The following NRDE2 variants were observed in gnomAD, a reference collection of about 807,000 sequenced individuals.
NRDE2 encodes the protein nuclear exosome regulator NRDE2.
A neutral mutation model predicts 124.2 loss-of-function variants in NRDE2; 76 were observed. The observed-to-expected ratio is 0.61, with a 90% confidence interval of 0.51 to 0.74. The LOEUF (loss-of-function observed/expected upper bound fraction) is 0.74. Ranked by LOEUF, NRDE2 falls within the 30% of genes least tolerant of loss-of-function variation. The pLI, the probability that NRDE2 is intolerant of heterozygous loss-of-function variation, is 0.00. For missense variants in NRDE2, 1,314 were observed against 1,417.3 expected (o/e 0.93, Z 1.17); for synonymous variants, 489 against 528.1 (o/e 0.93, Z 1.01).
At chr14:90,316,216 G>A in intron 3 of NRDE2, among the ~76,000 whole-genome samples, 1 of 152,184 alleles carries the variant, frequency 6.6e-6, no homozygotes, top group East Asian at 1.9e-4. Context: ...TCAAGGCAGA[G>A]AAAGAAGATG....
At chr14:90,313,118 C>CTT (rs1884906927) in intron 3 of NRDE2, among the ~76,000 whole-genome samples, 1 of 140,956 alleles carries the variant, frequency 7.1e-6, no homozygotes, top group African/African-American at 2.6e-5. Context: ...GTCTCAGCCT[C>CTT]ATTTTTTTTT....
intron 12 of NRDE2, 136 bp from the exon 13 acceptor site, chr14:90,279,269 G>A (rs781428941): frequency 1.5e-5 from 10 of 678,706 alleles, no homozygotes; most frequent in East Asian, 2.6e-5. Flanking sequence ...GCACCGTCAC[G>A]GTGGCTGTGG....
intron 1 of NRDE2, among the ~76,000 whole-genome samples, chr14:90,331,280 T>C (rs1376095617): frequency 6.6e-6 from 1 of 152,172 alleles, no homozygotes; most frequent in East Asian, 1.9e-4. Flanking sequence ...TTAAGTAAAA[T>C]GTGTAAAGCC....
chr14:90,283,995 G>A (rs1441620147), intron 12 of NRDE2, among the ~76,000 whole-genome samples: 1 of 152,154 alleles, frequency 6.6e-6, no homozygotes, highest in Non-Finnish European at 1.5e-5. Context: ...ACAGGCATGA[G>A]CCACCACACT....
At chr14:90,325,611 C>T (rs1476923893) in intron 1 of NRDE2, among the ~76,000 whole-genome samples, 1 of 152,140 alleles carries the variant, frequency 6.6e-6, no homozygotes, top group Admixed American at 6.5e-5. Context: ...CTGCAACCTC[C>T]ACCTCCCAGG....
rs1891702393 is a variant in NRDE2 at position 90,272,734 on chromosome 14, A to AGTGTG, written c.*5597_*5601dup. The AGTGTG allele has an allele frequency of 5.0e-6, 1 of 201,510 alleles. No homozygotes were observed. The highest frequency in any genetic ancestry group is 2.3e-5 in the African/African-American group (1 of 42,764). The allele number at this position is 201,510 out of a possible 1,614,324, so 12.5% of individuals were successfully genotyped here. ...AGGAACTCAGGCTGCGGTCCCAAGG[A>AGTGTG]GTGTGGACCTCACTATGCGTTCGCC... On this transcript the variant is annotated 3_prime_UTR_variant, in exon 14 of 14. Coordinates refer to ENST00000354366, the MANE Select transcript of NRDE2 (RefSeq NM_017970.4). This position sits in a 1 kb window ranked among gnomAD's most constrained non-coding sequence, Gnocchi z 4.5.
intron 4 of NRDE2, among the ~76,000 whole-genome samples, chr14:90,309,345 C>T (rs947783389): frequency 2.0e-5 from 3 of 151,440 alleles, no homozygotes; most frequent in Non-Finnish European, 2.9e-5. Context: ...TGGTAGCACT[C>T]GCCTGTAGTC....
In NRDE2 at chr14:90,288,751, C is replaced by T. The variant is rs142600051; in HGVS notation, c.2624G>A (p.Arg875Gln). 1.1e-5 allele frequency: 18 copies of T among 1,613,974 alleles called. 1 individual carries two copies. Among genetic ancestry groups the T allele is most frequent in the Admixed American group, 6.7e-5 (4 of 60,002 alleles). Reference sequence around the variant, plus strand: ...CTGCAGTGCGTGCTCATAAGCCTTTCGCGCTTTCAAAATGTGAACAGCCAA... The same window carrying T: ...CTGCAGTGCGTGCTCATAAGCCTTTTGCGCTTTCAAAATGTGAACAGCCAA... ...QVLAVHILKARKAYEHALQDC... is the reference protein window; with the variant it reads ...QVLAVHILKAQKAYEHALQDC... Residue 875 changes from arginine to glutamine, a missense_variant, in exon 11 of 14, where the codon CGA becomes CAA. Arg to Gln is a conservative substitution (Grantham distance 43, BLOSUM62 1). Coordinates refer to ENST00000354366, the MANE Select transcript of NRDE2 (RefSeq NM_017970.4).
chr14:90,297,042 G>A (rs1884193394), intron 8 of NRDE2, among the ~76,000 whole-genome samples: 1 of 151,726 alleles, frequency 6.6e-6, no homozygotes, highest in Non-Finnish European at 1.5e-5. Flanking sequence ...GGGAGGCTGA[G>A]GCACAAGAAT....
At chr14:90,308,413 C>T (rs546567761) in intron 4 of NRDE2, among the ~76,000 whole-genome samples, 11 of 152,242 alleles carry the variant, frequency 7.2e-5, no homozygotes, top group South Asian at 2.1e-4. Context: ...TCTGACTTCC[C>T]GGAACTTCCA....
intron 3 of NRDE2, among the ~76,000 whole-genome samples, chr14:90,314,869 T>A (rs546683144): frequency 1.3e-5 from 2 of 152,072 alleles, no homozygotes; most frequent in East Asian, 3.9e-4. Flanking sequence ...TATTTTTTCC[T>A]CTAAAGAGCA....
In NRDE2 at chr14:90,274,336, C is replaced by CCGTGTGGGGTGTA. The variant is rs1891744711; in HGVS notation, c.*3999_*4000insTACACCCCACACG. 6.4e-6 allele frequency: 1 copy of CCGTGTGGGGTGTA among 155,728 alleles called. No individual in the cohort carries two copies. Among genetic ancestry groups the CCGTGTGGGGTGTA allele is most frequent in the African/African-American group, 2.4e-5 (1 of 41,418 alleles). The allele number at this position is 155,728 out of a possible 1,614,324, so 9.6% of individuals were successfully genotyped here. A position where few individuals can be genotyped will look rare whatever the true frequency, so the allele number is the denominator to read the frequency against. On this transcript the variant is annotated 3_prime_UTR_variant, in exon 14 of 14. Coordinates refer to ENST00000354366, the MANE Select transcript of NRDE2 (RefSeq NM_017970.4). ...GAGCCCAAGTGGGTGAGGAAGGCAT[C>CCGTGTGGGGTGTA]TGCAGGGACGGGGTGGTGGCAGGGG...
At chr14:90,323,252 A>G (rs7149944) in intron 1 of NRDE2, among the ~76,000 whole-genome samples, 44,004 of 152,154 alleles carry the variant, frequency 0.29, 6,425 homozygotes, top group South Asian at 0.34. Flanking sequence ...AATACTTTTT[A>G]TGAACATTTA....
chr14:90,313,984 A>G (rs1375412944), intron 3 of NRDE2, among the ~76,000 whole-genome samples: 2 of 152,230 alleles, frequency 1.3e-5, no homozygotes, highest in African/African-American at 4.8e-5. Flanking sequence ...TGATTGATGC[A>G]TTTGAGAAAT....
chr14:90,286,237 A>AT lies in NRDE2; in HGVS notation c.3297+116dup, dbSNP rs1446673502. 3.4e-6 allele frequency: 4 copies of AT among 1,165,486 alleles called. No individual in the cohort carries two copies. In the African/African-American group the frequency reaches 6.2e-5, roughly 18 times the overall value. The allele number at this position is 1,165,486 out of a possible 1,614,324, so 72.2% of individuals were successfully genotyped here. Reference sequence around the variant, plus strand: ...CCAATGCCAAGAAGATGAGAGTGAAATATGGCCTCCCAGCTCTCCTGGGCA... The same window carrying AT: ...CCAATGCCAAGAAGATGAGAGTGAAATTATGGCCTCCCAGCTCTCCTGGGCA... On this transcript the variant is annotated intron_variant, in intron 12 of 13. Transcript: ENST00000354366.
At chr14:90,298,659 T>C (rs1003556284) in intron 7 of NRDE2, among the ~76,000 whole-genome samples, 3 of 152,092 alleles carry the variant, frequency 2.0e-5, no homozygotes, top group African/African-American at 7.2e-5. Flanking sequence ...ACACAAAATA[T>C]GGCAAAAGTG....
In NRDE2 at chr14:90,309,380, G is replaced by A. The variant is rs1884739939; in HGVS notation, c.557+3014C>T. On this transcript the variant is annotated intron_variant, in intron 4 of 13. Transcript: ENST00000354366. ...CCCAGCTATTTAGGAGACTGAGGCA[G>A]CAGAATTGTTTGAACCTGGCAGGCG... Among the ~76,000 whole-genome samples the A allele has an allele frequency of 2.0e-5, 3 of 149,846 alleles. No homozygotes were observed. In the Admixed American group the frequency reaches 2.0e-4, roughly 10 times the overall value.
rs567023218 is a variant in NRDE2, at chr14:90,330,224, A to C, written c.64+1617T>G. 1.2e-3 allele frequency among the ~76,000 whole-genome samples: 176 copies of C among 151,588 alleles called. 3 individuals carry two copies. The highest frequency in any genetic ancestry group is 3.5e-4 in the Non-Finnish European group (24 of 67,900). ...TTGGTCTCAAAAAAAAAAATAAATA[A>C]ATAAATAAATAAAAAGAAGTAATTA... On this transcript the variant is annotated intron_variant, in intron 1 of 13. Transcript: ENST00000354366.
Position 90,274,521 on chromosome 14 carries a change from T to C in NRDE2, c.*3815A>G, listed in dbSNP as rs1891750760. 6.6e-6 allele frequency: 1 copy of C among 150,930 alleles called. No homozygotes were observed. Among genetic ancestry groups the C allele is most frequent in the Non-Finnish European group, 1.5e-5 (1 of 67,700 alleles). The allele number at this position is 150,930 out of a possible 1,614,324, so 9.3% of individuals were successfully genotyped here. On this transcript the variant is annotated 3_prime_UTR_variant, in exon 14 of 14. Coordinates refer to ENST00000354366, the MANE Select transcript of NRDE2 (RefSeq NM_017970.4). ...ACACCCCAACTGCAGTGAGCACCCC[T>C]AGACCCAGACCTTTGCTGCTAAAAG...
Sources: allele counts gnomAD v4.1 joint callset (sites outside exome capture counted in the v4.1 genomes callset), GRCh38; gene constraint gnomAD v4.1.1; non-coding constraint Gnocchi (gnomAD v3.1); transcripts MANE v1.5; gene names NCBI Gene and HGNC (gene_info 2026-07-23, HGNC 2026-07-21).